The following FAM133B variants were observed in gnomAD, a reference collection of about 807,000 sequenced individuals.
FAM133B encodes protein FAM133B.
In FAM133B, 25 loss-of-function variants were observed where a neutral mutation model predicts 46.4. The observed-to-expected ratio is 0.54, with a 90% CI of 0.39 to 0.75. FAM133B has a LOEUF of 0.75. FAM133B is among the 30% of genes least tolerant of loss of function. The pLI is 0.00. For missense variants in FAM133B, 205 were observed against 277.6 expected (o/e 0.74, Z 1.86); for synonymous variants, 75 against 86.0 (o/e 0.87, Z 0.71).
intron 8 of FAM133B, 132 bp from the exon 9 acceptor site, chr7:92,570,047 AC>A: frequency 4.9e-6 from 2 of 411,520 alleles, no homozygotes; most frequent in Non-Finnish European, 8.7e-6. Flanking sequence ...AAAAAGTGTA[AC>A]ATTTACCAGG....
Position 92,581,726 on chromosome 7 carries a change from C to T in FAM133B, c.25-123G>A, listed in dbSNP as rs562542541. 2.2e-5 allele frequency: 15 copies of T among 690,548 alleles called. No individual in the cohort carries two copies. The South Asian group carries it at 2.8e-4, about 13-fold the overall frequency. The allele number at this position is 690,548 out of a possible 1,614,324, so 42.8% of individuals were successfully genotyped here. On this transcript the variant is annotated intron_variant, in intron 1 of 10. Transcript: ENST00000445716. Reference sequence around the variant, plus strand: ...ATCCAGCTAAGTATATGCAATCTGACTAACCAACTCTTTATTCTAAAAAAA... The same window carrying T: ...ATCCAGCTAAGTATATGCAATCTGATTAACCAACTCTTTATTCTAAAAAAA...
chr7:92,587,009 CATGAA>C (rs1795054412), intron 1 of FAM133B, among the ~76,000 whole-genome samples: 1 of 152,138 alleles, frequency 6.6e-6, no homozygotes, highest in Non-Finnish European at 1.5e-5. Flanking sequence ...GATGTAGGTT[CATGAA>C]ATGTAACAAA....
chr7:92,584,024 T>A (rs1001036216), intron 1 of FAM133B, among the ~76,000 whole-genome samples: 1 of 114,596 alleles, frequency 8.7e-6, no homozygotes, highest in Non-Finnish European at 1.6e-5. Context: ...CACTCCAGCC[T>A]GGGCGAAAGA....
At chr7:92,572,510 G>A (rs544698883) in intron 8 of FAM133B, among the ~76,000 whole-genome samples, 1 of 152,222 alleles carries the variant, frequency 6.6e-6, no homozygotes, top group African/African-American at 2.4e-5. Flanking sequence ...ACGTGGTCAA[G>A]AGTTCCAGAA....
intron 1 of FAM133B, among the ~76,000 whole-genome samples, chr7:92,587,252 A>T (rs1378209774): frequency 6.6e-6 from 1 of 152,258 alleles, no homozygotes; most frequent in Non-Finnish European, 1.5e-5. Context: ...AAGAAAGAAC[A>T]GGAACTGTTT....
chr7:92,565,009 G>C (rs1262336828), intron 10 of FAM133B, among the ~76,000 whole-genome samples: 3 of 152,110 alleles, frequency 2.0e-5, no homozygotes, highest in African/African-American at 7.2e-5. Flanking sequence ...CTAGTGCTTG[G>C]AGAGGCTTTT....
At chr7:92,578,102 G>A in intron 5 of FAM133B, 48 bp downstream of exon 5, 2 of 1,499,036 alleles carry the variant, frequency 1.3e-6, no homozygotes, top group Non-Finnish European at 1.8e-6. Context: ...TACTTTTTTT[G>A]TTGGCTCTTA....
At chr7:92,578,206 T>A (rs1325356772) in intron 4 of FAM133B, 24 bp from the exon 5 acceptor site, 4 of 1,611,722 alleles carry the variant, frequency 2.5e-6, no homozygotes, top group Non-Finnish European at 2.5e-6. Flanking sequence ...AAAGTACAAG[T>A]CTAAATAAGC....
intron 1 of FAM133B, 51 bp downstream of exon 1, chr7:92,590,217 C>T (rs1259254178): frequency 1.9e-6 from 3 of 1,613,326 alleles, no homozygotes; most frequent in Non-Finnish European, 2.5e-6. Flanking sequence ...TTCTCGCTGT[C>T]CTGCCGCCGG....
intron 8 of FAM133B, among the ~76,000 whole-genome samples, chr7:92,572,247 C>T (rs1794553784): frequency 6.6e-6 from 1 of 152,134 alleles, no homozygotes; most frequent in Non-Finnish European, 1.5e-5. Flanking sequence ...CATTTGTATA[C>T]ATTAAATTTG....
chr7:92,582,534 T>C (rs1794918375), intron 1 of FAM133B, among the ~76,000 whole-genome samples: 1 of 152,104 alleles, frequency 6.6e-6, no homozygotes, highest in Non-Finnish European at 1.5e-5. Context: ...AAGGACACTG[T>C]TAAGAGTGAA....
At position 92,579,335 on chromosome 7, in the gene FAM133B, A is replaced by G. The variant is rs1389711358; in HGVS notation, c.183T>C (p.Phe61=). 3.7e-6 allele frequency: 6 copies of G among 1,609,080 alleles called. No homozygotes were observed. Among genetic ancestry groups the G allele is most frequent in the African/African-American group, 1.3e-5 (1 of 74,592 alleles). The change falls in exon 3 of 11, where the codon TTT becomes TTC. Residue 61 remains phenylalanine (F), a synonymous_variant. Transcript: ENST00000445716. The part of the protein sequence containing the change: ...KKKGSKALAE[F]EEKMNENWKK... ...TACAAACCTCATTCATTTTTTCTTC[A>G]AATTCAGCCAAAGCCTTGGAGCCTT...
chr7:92,579,226 G>T, intron 3 of FAM133B, 91 bp downstream of exon 3: 2 of 1,115,578 alleles, frequency 1.8e-6, no homozygotes, highest in Non-Finnish European at 2.6e-6. Flanking sequence ...CTGGCCTCCC[G>T]TTTCGGCCTC....
At chr7:92,566,754 G>A (rs540246000) in intron 9 of FAM133B, among the ~76,000 whole-genome samples, 32 of 152,314 alleles carry the variant, frequency 2.1e-4, no homozygotes, top group African/African-American at 7.7e-4. Context: ...AAGGGGAAGT[G>A]CCTAAAATAC....
chr7:92,584,131 T>A (rs888956278), intron 1 of FAM133B, among the ~76,000 whole-genome samples: 2 of 149,708 alleles, frequency 1.3e-5, no homozygotes, highest in African/African-American at 4.9e-5. Context: ...TGTGATCATA[T>A]CTCACTGCAA....
chr7:92,590,198 C>T (rs568083082), intron 1 of FAM133B, 70 bp downstream of exon 1: 1 of 1,611,678 alleles, frequency 6.2e-7, no homozygotes, highest in Non-Finnish European at 8.5e-7. Context: ...CGGCCGGGAA[C>T]AGCGAGGGTT....
chr7:92,587,638 G>A (rs1369731692), intron 1 of FAM133B, among the ~76,000 whole-genome samples: 1 of 152,146 alleles, frequency 6.6e-6, no homozygotes, highest in South Asian at 2.1e-4. Context: ...GGAGGCTGAC[G>A]TGAGAGCATC....
intron 8 of FAM133B, among the ~76,000 whole-genome samples, chr7:92,570,304 A>G (rs971095314): frequency 6.6e-6 from 1 of 152,120 alleles, no homozygotes; most frequent in African/African-American, 2.4e-5. Flanking sequence ...GATTATTTGC[A>G]GTGATCTAAA....
At chr7:92,571,140 A>G (rs957739227) in intron 8 of FAM133B, among the ~76,000 whole-genome samples, 7 of 152,216 alleles carry the variant, frequency 4.6e-5, no homozygotes, top group African/African-American at 1.4e-4. Context: ...AAACTCTTTA[A>G]TAACGATGAC....
Sources: gnomAD v4.1 joint callset for allele counts (sites outside exome capture counted in the v4.1 genomes callset) on GRCh38, gnomAD v4.1.1 for gene constraint, MANE v1.5 for transcripts, NCBI Gene and HGNC (gene_info 2026-07-23, HGNC 2026-07-21) for gene names.